UXS1: variants seen among roughly 807,000 people sequenced by gnomAD.
UXS1 encodes UDP-glucuronic acid decarboxylase 1.
Under a neutral mutation model 62.6 loss-of-function variants are expected in UXS1, and 33 were observed. That is an observed-to-expected ratio of 0.53 (90% CI 0.40 to 0.70). The LOEUF (loss-of-function observed/expected upper bound fraction) is 0.70. Among genes scored for constraint, UXS1 ranks in the 30% least tolerant of loss-of-function variants. The pLI is 0.00. For missense variants in UXS1, 434 were observed against 556.3 expected (o/e 0.78, Z 2.21); for synonymous variants, 213 against 206.8 (o/e 1.03, Z -0.26).
intron 9 of UXS1, among the ~76,000 whole-genome samples, chr2:106,115,212 G>A (rs1678967055): frequency 6.6e-6 from 1 of 152,144 alleles, no homozygotes; most frequent in Non-Finnish European, 1.5e-5. Context: ...AAGGTCCAGG[G>A]TCTGACCCAA....
In UXS1 at chr2:106,093,543, A is replaced by T. The variant is rs1676832008; in HGVS notation, c.*483T>A. ...AGAGAAACATAAAGCTCTCACACAG[A>T]ATTCTTTTATCTGCCCTAAAATCAA... On this transcript the variant is annotated 3_prime_UTR_variant, in exon 15 of 15. Coordinates refer to ENST00000283148, the MANE Select transcript of UXS1 (RefSeq NM_001253875.2). 6.5e-6 allele frequency: 1 copy of T among 152,996 alleles called. No homozygotes were observed. Among genetic ancestry groups the T allele is most frequent in the Middle Eastern group, 3.4e-3 (1 of 296 alleles). The allele number at this position is 152,996 out of a possible 1,614,324, so 9.5% of individuals were successfully genotyped here.
intron 14 of UXS1, among the ~76,000 whole-genome samples, chr2:106,096,477 G>C (rs1177090378): frequency 1.3e-5 from 2 of 152,192 alleles, no homozygotes; most frequent in Non-Finnish European, 2.9e-5. Context: ...GTGTGCATGA[G>C]AGATTTTACG....
chr2:106,125,080 T>G lies in UXS1; in HGVS notation c.637+540A>C, dbSNP rs72945690. ...CTGGTCCCCACTCCTCAACTCCTTC[T>G]CAGGCAGTGAAGGAGAGGAAGGCTG... On this transcript the variant is annotated intron_variant, in intron 8 of 14. Transcript: ENST00000283148. 6.6e-3 allele frequency among the ~76,000 whole-genome samples: 1,007 copies of G among 152,286 alleles called. 12 individuals carry two copies. Among genetic ancestry groups the G allele is most frequent in the African/African-American group, 0.023 (948 of 41,554 alleles).
At chr2:106,164,858 T>C in intron 2 of UXS1, 59 bp from the exon 3 acceptor site, 2 of 1,338,920 alleles carry the variant, frequency 1.5e-6, no homozygotes, top group Non-Finnish European at 2.0e-6. Context: ...CTGAATAAAT[T>C]ACCCTAACAT....
chr2:106,114,758 G>C (rs1678928610), intron 9 of UXS1, among the ~76,000 whole-genome samples: 1 of 152,168 alleles, frequency 6.6e-6, no homozygotes. Context: ...CAGCAACAGA[G>C]GGCAGCCCTT....
At chr2:106,156,278 C>G (rs531007311) in intron 5 of UXS1, among the ~76,000 whole-genome samples, 2 of 152,082 alleles carry the variant, frequency 1.3e-5, no homozygotes, top group Non-Finnish European at 2.9e-5. Flanking sequence ...AATAAGCACA[C>G]AAAAAGATGC....
At chr2:106,179,100 C>T (rs1159872591) in intron 1 of UXS1, among the ~76,000 whole-genome samples, 1 of 152,100 alleles carries the variant, frequency 6.6e-6, no homozygotes, top group Non-Finnish European at 1.5e-5. Context: ...CCTGAGGGTG[C>T]CCAGTCTCCC....
chr2:106,125,098 G>A (rs549272158), intron 8 of UXS1, among the ~76,000 whole-genome samples: 36 of 152,300 alleles, frequency 2.4e-4, no homozygotes, highest in African/African-American at 8.4e-4. Flanking sequence ...TGAAGGAGAG[G>A]AAGGCTGTAG....
At chr2:106,125,551 T>C in intron 8 of UXS1, 69 bp downstream of exon 8, 1 of 1,412,984 alleles carries the variant, frequency 7.1e-7, no homozygotes, top group Non-Finnish European at 9.4e-7. Context: ...AACACTGGAC[T>C]CTTCTGAGAC....
intron 1 of UXS1, among the ~76,000 whole-genome samples, chr2:106,185,606 G>A (rs1358211510): frequency 6.6e-6 from 1 of 152,184 alleles, no homozygotes; most frequent in Non-Finnish European, 1.5e-5. Flanking sequence ...AGATCACCAT[G>A]AGTTTAACGG....
At chr2:106,107,391 A>T (rs1350682804) in intron 10 of UXS1, among the ~76,000 whole-genome samples, 1 of 152,136 alleles carries the variant, frequency 6.6e-6, no homozygotes, top group Non-Finnish European at 1.5e-5. Context: ...GTGTCCACTC[A>T]CACACCGTCT....
intron 5 of UXS1, among the ~76,000 whole-genome samples, chr2:106,154,253 GCA>G (rs1324052320): frequency 6.6e-6 from 1 of 152,134 alleles, no homozygotes; most frequent in Non-Finnish European, 1.5e-5. Context: ...AAAAATAGAT[GCA>G]CACAGACACA....
chr2:106,131,214 G>A (rs10208462), intron 6 of UXS1, among the ~76,000 whole-genome samples: 85,769 of 146,256 alleles, frequency 0.59, 25,075 homozygotes, highest in South Asian at 0.63. Context: ...AAAAAACGGC[G>A]CACCACGAGA....
intron 9 of UXS1, among the ~76,000 whole-genome samples, 172 bp from the exon 10 acceptor site, chr2:106,112,937 G>A (rs114499659): frequency 0.011 from 1,638 of 151,972 alleles, 20 homozygotes; most frequent in Non-Finnish European, 0.017. Context: ...TAGACCAATC[G>A]GGAGACTACA....
chr2:106,146,115 G>A (rs1681542015), intron 5 of UXS1, among the ~76,000 whole-genome samples: 1 of 152,176 alleles, frequency 6.6e-6, no homozygotes, highest in Non-Finnish European at 1.5e-5. Context: ...GTTGAACACA[G>A]GTATTTTATT....
intron 1 of UXS1, chr2:106,183,576 A>C (rs1684378161): frequency 6.6e-6 from 1 of 152,222 alleles, no homozygotes; most frequent in South Asian, 2.1e-4. Context: ...TTCTAAATGC[A>C]GGGCGATGAG....
intron 1 of UXS1, chr2:106,179,559 T>A (rs1011187502): frequency 6.6e-6 from 1 of 152,246 alleles, no homozygotes; most frequent in African/African-American, 2.4e-5. Flanking sequence ...AACTTTAATA[T>A]GACTGACCTT....
chr2:106,130,900 G>A (rs1573473679), intron 6 of UXS1, among the ~76,000 whole-genome samples: 2 of 152,198 alleles, frequency 1.3e-5, no homozygotes, highest in Middle Eastern at 6.8e-3. Flanking sequence ...TGGGGGGGAG[G>A]AGCCAAGATG....
chr2:106,156,771 G>A (rs1342869475), intron 5 of UXS1, among the ~76,000 whole-genome samples: 1 of 152,096 alleles, frequency 6.6e-6, no homozygotes, highest in Non-Finnish European at 1.5e-5. Flanking sequence ...GTCTGCACAT[G>A]TTCAGTACAG....
Sources: allele counts gnomAD v4.1 joint callset (sites outside exome capture counted in the v4.1 genomes callset), GRCh38; gene constraint gnomAD v4.1.1; transcripts MANE v1.5; gene names NCBI Gene and HGNC (gene_info 2026-07-23, HGNC 2026-07-21).